The following CDH22 variants were observed in gnomAD, a reference collection of about 807,000 sequenced individuals.
CDH22 encodes the protein cadherin 22.
In CDH22, 30 loss-of-function variants were observed where a neutral mutation model predicts 58.4. That is an observed-to-expected ratio of 0.51 (90% CI 0.38 to 0.70). The LOEUF (loss-of-function observed/expected upper bound fraction) is 0.70. CDH22 is among the 30% of genes least tolerant of loss of function. The probability of loss-of-function intolerance (pLI) is 0.00; values close to 1 mark genes in which losing one functional copy is unlikely to be tolerated. For missense variants in CDH22, 1,014 were observed against 1,233.9 expected, an observed-to-expected ratio of 0.82 and a Z score of 2.67; for synonymous variants, 513 against 558.2, an observed-to-expected ratio of 0.92 and a Z score of 1.14.
intron 1 of CDH22, among the ~76,000 whole-genome samples, chr20:46,302,911 A>G (rs1244446528): frequency 1.3e-5 from 2 of 152,068 alleles, no homozygotes; most frequent in African/African-American, 4.8e-5. Context: ...AGCCCTGTCC[A>G]TTCCACTCCC....
At chr20:46,206,228 ATT>A (rs958756765) in intron 7 of CDH22, among the ~76,000 whole-genome samples, 3 of 152,190 alleles carry the variant, frequency 2.0e-5, no homozygotes, top group African/African-American at 7.2e-5. Context: ...CAAAGGCTGG[ATT>A]CAGGAAGTGG....
At chr20:46,267,061 A>T (rs902427623) in intron 1 of CDH22, among the ~76,000 whole-genome samples, 9 of 152,170 alleles carry the variant, frequency 5.9e-5, no homozygotes, top group Admixed American at 2.0e-4. Context: ...CATCTGTGCC[A>T]CATCTGTTTT....
In CDH22 at chr20:46,174,861, C is replaced by T. The variant is rs1397278796; in HGVS notation, c.2132G>A (p.Gly711Asp). The T allele has an allele frequency of 3.8e-6, 5 of 1,324,896 alleles. No individual in the cohort carries two copies. Among genetic ancestry groups the T allele is most frequent in the East Asian group, 3.2e-5 (1 of 31,362 alleles). 82.1% of individuals were successfully genotyped at this position (1,324,896 alleles called of 1,614,324 possible). A position where few individuals can be genotyped will look rare whatever the true frequency, so the allele number is the denominator to read the frequency against. Residue 711 changes from glycine to aspartate, a missense_variant, in exon 12 of 12, where the codon GGC (glycine) becomes GAC (aspartate). This residue lies in a region of CDH22 where 208 missense variants were observed against 195.2 expected (regional missense o/e 1.07). Coordinates refer to ENST00000537909, the MANE Select transcript of CDH22 (RefSeq NM_021248.3). The surrounding 1 kb of genome is among the most constrained non-coding windows in gnomAD (Gnocchi z 4.4). ...GCCCGCGCCCCCGCCCGAGCCCCCGCCCGCTCCCCCGCCCGCGCTGCCGCC... is the reference window on the plus strand; with the variant it reads ...GCCCGCGCCCCCGCCCGAGCCCCCGTCCGCTCCCCCGCCCGCGCTGCCGCC... ...DGGGSAGGGA[G>D]GGSGGGAGSP...
chr20:46,183,048 G>T (rs2085800487), intron 10 of CDH22, among the ~76,000 whole-genome samples: 1 of 152,106 alleles, frequency 6.6e-6, no homozygotes, highest in Admixed American at 6.5e-5. Context: ...AGCAACTGAG[G>T]CAGAATCTCG....
At chr20:46,198,435 T>C (rs952070084) in intron 8 of CDH22, among the ~76,000 whole-genome samples, 3 of 152,106 alleles carry the variant, frequency 2.0e-5, no homozygotes, top group Admixed American at 6.5e-5. Context: ...TGGCTCTATC[T>C]TCAGCCTGTA....
intron 4 of CDH22, among the ~76,000 whole-genome samples, chr20:46,222,731 C>A (rs2086135833): frequency 6.6e-6 from 1 of 152,234 alleles, no homozygotes; most frequent in African/African-American, 2.4e-5. Flanking sequence ...CATTAGCACA[C>A]AAATGCCATC....
At chr20:46,288,845 A>T (rs1177221386) in intron 1 of CDH22, among the ~76,000 whole-genome samples, 1 of 152,056 alleles carries the variant, frequency 6.6e-6, no homozygotes, top group Non-Finnish European at 1.5e-5. Context: ...GGCCACCATC[A>T]TCTCTCACCT....
At chr20:46,229,598 T>C (rs958120130) in intron 3 of CDH22, among the ~76,000 whole-genome samples, 1 of 152,168 alleles carries the variant, frequency 6.6e-6, no homozygotes, top group Non-Finnish European at 1.5e-5. Flanking sequence ...TGAGATCATT[T>C]TGAGAATTCA....
At chr20:46,282,695 A>G (rs1231811240) in intron 1 of CDH22, among the ~76,000 whole-genome samples, 1 of 152,058 alleles carries the variant, frequency 6.6e-6, no homozygotes, top group Non-Finnish European at 1.5e-5. Context: ...GGAAAATGGA[A>G]GATGTTCCCG....
chr20:46,253,669 T>C (rs551888188), intron 1 of CDH22, among the ~76,000 whole-genome samples: 7 of 152,262 alleles, frequency 4.6e-5, no homozygotes, highest in African/African-American at 1.4e-4. Flanking sequence ...ACTGGAGTTA[T>C]GGGTGAGGAG....
At chr20:46,198,643 C>T (rs2085928813) in intron 8 of CDH22, among the ~76,000 whole-genome samples, 1 of 152,218 alleles carries the variant, frequency 6.6e-6, no homozygotes, top group African/African-American at 2.4e-5. Context: ...TCCCCAAATG[C>T]CTCCAATGAC....
At chr20:46,206,438 T>C (rs1322825608) in intron 7 of CDH22, among the ~76,000 whole-genome samples, 1 of 152,222 alleles carries the variant, frequency 6.6e-6, no homozygotes, top group Non-Finnish European at 1.5e-5. Flanking sequence ...CTGTCTGCTT[T>C]CCTATAATTT....
chr20:46,304,124 A>AGGATCCTGAAGTCAGAGAC (rs1381541990), intron 1 of CDH22, among the ~76,000 whole-genome samples: 8 of 152,198 alleles, frequency 5.3e-5, no homozygotes, highest in Non-Finnish European at 4.4e-5. Context: ...CAAAGGAAGA[A>AGGATCCTGAAGTCAGAGAC]GGATCCTGAA....
chr20:46,178,150 C>T lies in CDH22; in HGVS notation c.1711G>A (p.Glu571Lys), dbSNP rs747666399. 3 of 1,614,024 alleles carry T rather than the reference C, an allele frequency of 1.9e-6. No individual in the cohort carries two copies. Among genetic ancestry groups the T allele is most frequent in the East Asian group, 4.5e-5 (2 of 44,884 alleles). ...ATGGGCAGGAAGAACACGTCCTGCT[C>T]CTGCCGGTTGAAGCCCACGTGCTGC... ...HTQHVGFNRQ[E>K]QDVFFLPILV... The change falls in exon 11 of 12, where the codon GAG (glutamate) becomes AAG (lysine). Residue 571 changes from glutamate to lysine, a missense_variant. By Grantham distance (56) the Glu-to-Lys change is moderately conservative. Around this residue, in one of 2 missense-constraint regions of CDH22, gnomAD observed 806 missense variants for 1,038.7 expected, o/e 0.78. Transcript: ENST00000537909.
intron 2 of CDH22, among the ~76,000 whole-genome samples, chr20:46,245,559 G>A (rs773843145): frequency 1.3e-5 from 2 of 152,160 alleles, no homozygotes; most frequent in Non-Finnish European, 2.9e-5. Flanking sequence ...GTGAGTGCAC[G>A]TGAGTGTGAG....
chr20:46,198,287 G>GACACACAC (rs368091518), intron 8 of CDH22, among the ~76,000 whole-genome samples: 1,401 of 128,670 alleles, frequency 0.011, 10 homozygotes, highest in Non-Finnish European at 0.014. Flanking sequence ...GCACCAAAAA[G>GACACACAC]ACACACACAC....
intron 1 of CDH22, among the ~76,000 whole-genome samples, chr20:46,287,462 T>C (rs1485364446): frequency 6.6e-6 from 1 of 152,070 alleles, no homozygotes; most frequent in Non-Finnish European, 1.5e-5. Context: ...GAAAGTGATT[T>C]GTTCTCAGAC....
intron 4 of CDH22, among the ~76,000 whole-genome samples, chr20:46,221,963 G>T (rs6131037): frequency 6.6e-6 from 1 of 152,200 alleles, no homozygotes; most frequent in Admixed American, 6.5e-5. Context: ...CACAGACTCA[G>T]ATAGGCTGCA....
chr20:46,287,973 C>T lies in CDH22; in HGVS notation c.-400+20282G>A, dbSNP rs187512369. ...AGAGACATACGGAAGGCAGAATCCT[C>T]GGGATATAGTAGGAATGCTACGGGG... On this transcript the variant is annotated intron_variant, in intron 1 of 11. Transcript: ENST00000537909. Among the ~76,000 whole-genome samples, 21 of 152,122 alleles carry T rather than the reference C, an allele frequency of 1.4e-4. No individual in the cohort carries two copies. In the East Asian group the frequency reaches 2.9e-3, roughly 21 times the overall value.
Sources: gnomAD v4.1 joint callset for allele counts (sites outside exome capture counted in the v4.1 genomes callset) on GRCh38, gnomAD v4.1.1 for gene constraint, gnomAD v4.1.1 regional missense constraint, Gnocchi (gnomAD v3.1) non-coding constraint, MANE v1.5 for transcripts, NCBI Gene and HGNC (gene_info 2026-07-23, HGNC 2026-07-21) for gene names.